Variants in DMD observed in about 807,000 individuals in gnomAD.
DMD encodes the protein mutant dystrophin.
DMD carries 63 observed loss-of-function variants against 330.1 expected under a neutral mutation model. The observed-to-expected ratio is 0.19, with a 90% CI of 0.16 to 0.24. The LOEUF (loss-of-function observed/expected upper bound fraction) is 0.24. Among genes scored for constraint, DMD ranks in the 10% least tolerant of loss-of-function variants. DMD has a pLI of 1.00. For missense variants in DMD, 3,344 were observed against 2,684.1 expected (o/e 1.25, Z -5.43); for synonymous variants, 1,223 against 959.8 (o/e 1.27, Z -5.07).
At chrX:31,187,716 T>TGAGAGAGA (rs2041904329) in intron 67 of DMD, among the ~76,000 whole-genome samples, 1 of 76,623 alleles carries the variant, frequency 1.3e-5, no homozygotes, top group East Asian at 5.0e-4. Flanking sequence ...TCCCAGATTC[T>TGAGAGAGA]CAGAGAGAGA....
intron 44 of DMD, among the ~76,000 whole-genome samples, chrX:32,186,532 T>C (rs908535606): frequency 8.9e-6 from 1 of 111,815 alleles, no homozygotes; most frequent in African/African-American, 3.2e-5. Context: ...GTATTTTTCT[T>C]AAATATAATA....
intron 44 of DMD, among the ~76,000 whole-genome samples, chrX:32,050,565 T>C (rs116797463): frequency 0.02 from 2,191 of 111,875 alleles, 51 homozygotes; most frequent in African/African-American, 0.067. Context: ...AATATGCAAC[T>C]GTACTTTTTA....
chrX:32,058,491 A>G (rs2096197429), intron 44 of DMD, among the ~76,000 whole-genome samples: 1 of 108,590 alleles, frequency 9.2e-6, no homozygotes, highest in Non-Finnish European at 1.9e-5. Context: ...AAGATGTTCA[A>G]CATCACTAAC....
chrX:32,505,922 G>A (rs1475526947), intron 18 of DMD, among the ~76,000 whole-genome samples: 2 of 111,904 alleles, frequency 1.8e-5, no homozygotes, highest in Non-Finnish European at 3.8e-5. Context: ...TTTTACCGCA[G>A]GATTTCACCC....
intron 7 of DMD, among the ~76,000 whole-genome samples, chrX:32,799,158 C>T (rs2076369977): frequency 9.0e-6 from 1 of 111,217 alleles, no homozygotes; most frequent in African/African-American, 3.3e-5. Flanking sequence ...ACAGGCAGAG[C>T]TAATTCTTGG....
chrX:32,957,754 C>G (rs2091674518), intron 2 of DMD, among the ~76,000 whole-genome samples: 1 of 111,719 alleles, frequency 9.0e-6, no homozygotes, highest in African/African-American at 3.2e-5. Context: ...AATGAAAGAT[C>G]TACATCAGCA....
At chrX:32,539,715 G>A (rs7890758) in intron 17 of DMD, among the ~76,000 whole-genome samples, 1,176 of 111,688 alleles carry the variant, frequency 0.011, 20 homozygotes, top group African/African-American at 0.036. Flanking sequence ...TTCCAGAGAT[G>A]TGACACAATT....
At chrX:33,081,364 C>T (rs1367111186) in intron 1 of DMD, among the ~76,000 whole-genome samples, 2 of 112,002 alleles carry the variant, frequency 1.8e-5, no homozygotes, top group Non-Finnish European at 1.9e-5. Context: ...ACCTCCGCCT[C>T]CTGGGTTCAA....
chrX:32,011,852 T>C (rs2095711293), intron 44 of DMD, among the ~76,000 whole-genome samples: 1 of 111,961 alleles, frequency 8.9e-6, no homozygotes, highest in African/African-American at 3.2e-5. Flanking sequence ...TCTATTAAAC[T>C]CCCTCCCTTG....
intron 51 of DMD, among the ~76,000 whole-genome samples, chrX:31,771,118 T>C (rs1320967796): frequency 9.0e-6 from 1 of 111,359 alleles, no homozygotes; most frequent in African/African-American, 3.3e-5. Context: ...TTACATAAAA[T>C]TGATATTGAT....
Position 32,697,939 on chromosome X carries a change from C to G in DMD, c.891G>C (p.Lys297Asn), listed in dbSNP as rs1569467457. ...ERTSSPKPRF[K>N]SYAYTQAAYV... Reference sequence around the variant, plus strand: ...AAGCAGCCTGTGTGTAGGCATAGCTCTTGAATCGAGGCTTAGGGGAAGAAG... The same window carrying G: ...AAGCAGCCTGTGTGTAGGCATAGCTGTTGAATCGAGGCTTAGGGGAAGAAG... Residue 297 changes from lysine (K) to asparagine (N), a missense_variant, in exon 9 of 79, where the codon AAG becomes AAC. Coordinates refer to ENST00000357033, the MANE Select transcript of DMD (RefSeq NM_004006.3). The G allele has an allele frequency of 1.7e-6, 2 of 1,204,746 alleles. No homozygotes were observed. The highest frequency in any genetic ancestry group is 2.2e-6 in the Non-Finnish European group (2 of 892,967).
At chrX:32,179,636 A>G (rs754983354) in intron 44 of DMD, among the ~76,000 whole-genome samples, 2 of 112,094 alleles carry the variant, frequency 1.8e-5, no homozygotes, top group Non-Finnish European at 3.8e-5. Flanking sequence ...TCCAAATAGG[A>G]TGATATGGTT....
chrX:32,336,321 C>A (rs1299506455), intron 41 of DMD, among the ~76,000 whole-genome samples: 1 of 111,610 alleles, frequency 9.0e-6, no homozygotes, highest in Admixed American at 9.6e-5. Context: ...CAGCCAAGGA[C>A]TATTTTAAAT....
At chrX:33,107,863 T>C (rs1009740825) in intron 1 of DMD, among the ~76,000 whole-genome samples, 1 of 111,675 alleles carries the variant, frequency 9.0e-6, no homozygotes, top group Non-Finnish European at 1.9e-5. Flanking sequence ...GTACTGTATA[T>C]TTTTTTATCT....
intron 25 of DMD, among the ~76,000 whole-genome samples, chrX:32,461,653 C>CT (rs370596293): frequency 3.6e-4 from 37 of 103,197 alleles, no homozygotes; most frequent in South Asian, 3.3e-3. Context: ...TGGTTTTATA[C>CT]TTTTTTTTTT....
chrX:32,156,422 C>A (rs1468386840), intron 44 of DMD, among the ~76,000 whole-genome samples: 1 of 112,273 alleles, frequency 8.9e-6, no homozygotes, highest in African/African-American at 3.2e-5. Flanking sequence ...AGCAAACCCA[C>A]TGATAACAAT....
intron 7 of DMD, among the ~76,000 whole-genome samples, chrX:32,738,076 A>T (rs1209427391): frequency 2.7e-5 from 3 of 111,756 alleles, no homozygotes; most frequent in Non-Finnish European, 1.9e-5. Context: ...AGGTAATGAG[A>T]CTAGAGCTCA....
chrX:32,318,845 C>T (rs1313351407), intron 41 of DMD, among the ~76,000 whole-genome samples: 1 of 111,213 alleles, frequency 9.0e-6, no homozygotes, highest in Non-Finnish European at 1.9e-5. Flanking sequence ...AAAAGATATG[C>T]AGATGATGCT....
chrX:32,470,537 T>A (rs1354125515), intron 22 of DMD, among the ~76,000 whole-genome samples: 1 of 111,366 alleles, frequency 9.0e-6, no homozygotes, highest in Non-Finnish European at 1.9e-5. Context: ...GTGGAAATAG[T>A]CTCTTCTGCT....
Sources: gnomAD v4.1 joint callset for allele counts (sites outside exome capture counted in the v4.1 genomes callset) on GRCh38, gnomAD v4.1.1 for gene constraint, MANE v1.5 for transcripts, NCBI Gene and HGNC (gene_info 2026-07-23, HGNC 2026-07-21) for gene names.